The following KDM1B variants were observed in gnomAD, a reference collection of about 807,000 sequenced individuals.
The protein encoded by KDM1B is lysine demethylase 1B.
Under a neutral mutation model 107.4 loss-of-function variants are expected in KDM1B, and 63 were observed. That is an observed-to-expected ratio of 0.59 (90% CI 0.48 to 0.72). The LOEUF (loss-of-function observed/expected upper bound fraction) is 0.72, where lower values mean the gene tolerates loss of function less well. KDM1B is among the 30% of genes least tolerant of loss of function. The pLI is 0.00. For synonymous variants in KDM1B, 363 were observed against 363.9 expected, an observed-to-expected ratio of 1.00 and a Z score of 0.03; for missense variants, 749 against 1,020.8, an observed-to-expected ratio of 0.73 and a Z score of 3.63.
chr6:18,166,193 TCCTGTTTTGAAAAAC>T (rs1785282293), intron 5 of KDM1B, 59 bp from the exon 6 acceptor site: 2 of 696,146 alleles, frequency 2.9e-6, no homozygotes. Context: ...CTAACCTGCC[TCCTGTTTTGAAAAAC>T]CTGATTGCTT....
At chr6:18,216,595 G>T (rs1213262151) in intron 20 of KDM1B, among the ~76,000 whole-genome samples, 1 of 152,162 alleles carries the variant, frequency 6.6e-6, no homozygotes, top group Non-Finnish European at 1.5e-5. Context: ...TTCAGTTACT[G>T]TGGTCAACCA....
intron 9 of KDM1B, among the ~76,000 whole-genome samples, chr6:18,190,319 G>A (rs528706747): frequency 1.3e-5 from 2 of 151,394 alleles, no homozygotes; most frequent in Non-Finnish European, 3.0e-5. Context: ...AAGGCCGGGC[G>A]CAGTGGCTCA....
intron 6 of KDM1B, among the ~76,000 whole-genome samples, chr6:18,167,898 A>G (rs12662531): frequency 0.92 from 140,595 of 152,086 alleles, 65,050 homozygotes; most frequent in African/African-American, 0.94. Flanking sequence ...GAGCAGCTGG[A>G]ACTATAGAGT....
intron 7 of KDM1B, among the ~76,000 whole-genome samples, chr6:18,176,935 C>A (rs545440160): frequency 2.0e-5 from 3 of 152,078 alleles, no homozygotes; most frequent in Non-Finnish European, 4.4e-5. Context: ...CTGTAGTTTT[C>A]GTTTTTGGTT....
Position 18,197,248 on chromosome 6 carries a change from C to T in KDM1B, c.1146+15C>T, listed in dbSNP as rs767116445. The T allele has an allele frequency of 2.5e-6, 4 of 1,606,970 alleles. No homozygotes were observed. Among genetic ancestry groups the T allele is most frequent in the Non-Finnish European group, 8.5e-7 (1 of 1,175,216 alleles). ...ACTACCACAATGTAGGTGATTATAGCTTTAGCGATAGCCTTGCCATTGATC... is the reference window on the plus strand; with the variant it reads ...ACTACCACAATGTAGGTGATTATAGTTTTAGCGATAGCCTTGCCATTGATC... On this transcript the variant is annotated intron_variant, in intron 11 of 21. Transcript: ENST00000650836. The surrounding 1 kb of genome is among the most constrained non-coding windows in gnomAD (Gnocchi z 4.5).
chr6:18,213,700 A>G lies in KDM1B; in HGVS notation c.2028A>G (p.Gln676=). 6.2e-7 allele frequency: 1 copy of G among 1,614,134 alleles called. No homozygotes were observed. Among genetic ancestry groups the G allele is most frequent in the Non-Finnish European group, 8.5e-7 (1 of 1,179,998 alleles). ...FPYRFWDSKV[Q]GADFFGHVPP... ...ATAGATTTTGGGACAGTAAAGTACAAGGGGCTGACTTTTTTGGTCACGTTC... is the reference window on the plus strand; with the variant it reads ...ATAGATTTTGGGACAGTAAAGTACAGGGGGCTGACTTTTTTGGTCACGTTC... The change falls in exon 19 of 22, where the codon CAA becomes CAG. Residue 676 remains glutamine, a synonymous_variant. Transcript: ENST00000650836. The surrounding 1 kb of genome is among the most constrained non-coding windows in gnomAD (Gnocchi z 5.9).
At position 18,172,480 on chromosome 6, in the gene KDM1B, G is replaced by A. The variant is rs192208056; in HGVS notation, c.534+1001G>A. ...TGTTCCAAAATCTGAAACTTTTTGA[G>A]CTCTGAGATGATGCTCAGAGGTTCT... is the stretch of plus-strand genomic sequence containing the variant. On this transcript the variant is annotated intron_variant, in intron 7 of 21. Transcript: ENST00000650836. This position sits in a 1 kb window ranked among gnomAD's most constrained non-coding sequence, Gnocchi z 5.2. 5.3e-5 allele frequency among the ~76,000 whole-genome samples: 8 copies of A among 152,244 alleles called. No homozygotes were observed. The East Asian group carries it at 1.2e-3, about 22-fold the overall frequency.
In KDM1B at chr6:18,201,731, G is replaced by C; in HGVS notation, c.1531+74G>C. The C allele has an allele frequency of 8.1e-7, 1 of 1,240,098 alleles. No individual in the cohort carries two copies. The allele number at this position is 1,240,098 out of a possible 1,614,324, so 76.8% of individuals were successfully genotyped here. On this transcript the variant is annotated intron_variant, in intron 14 of 21. Transcript: ENST00000650836. The surrounding 1 kb of genome is among the most constrained non-coding windows in gnomAD (Gnocchi z 4.3). Reference sequence around the variant, plus strand: ...CCTAAGCTTCATCAGCAGTGGCATTGTTCATTTGCGAGGTCGGATGTCGGC... The same window carrying C: ...CCTAAGCTTCATCAGCAGTGGCATTCTTCATTTGCGAGGTCGGATGTCGGC...
rs955362858 is a variant in KDM1B, at chr6:18,157,935, C to T, written c.-13-1948C>T. Among the ~76,000 whole-genome samples, 4 of 151,320 alleles carry T rather than the reference C, an allele frequency of 2.6e-5. No individual in the cohort carries two copies. In the East Asian group the frequency reaches 7.8e-4, roughly 29 times the overall value. Reference sequence around the variant, plus strand: ...TCATGCCATTCTCCTGCCTCAGCCTCCCGAATAGCTGGGACTACAGGTGCC... The same window carrying T: ...TCATGCCATTCTCCTGCCTCAGCCTTCCGAATAGCTGGGACTACAGGTGCC... On this transcript the variant is annotated intron_variant, in intron 2 of 21. Transcript: ENST00000650836.
intron 7 of KDM1B, among the ~76,000 whole-genome samples, chr6:18,176,971 G>A (rs112857059): frequency 0.034 from 5,237 of 152,264 alleles, 105 homozygotes; most frequent in Middle Eastern, 0.071. Context: ...TTTGGTATTA[G>A]GGTGATGCTG....
At chr6:18,221,333 C>A (rs1789719180) in intron 21 of KDM1B, among the ~76,000 whole-genome samples, 1 of 152,186 alleles carries the variant, frequency 6.6e-6, no homozygotes, top group Non-Finnish European at 1.5e-5. Context: ...CTCCTCCTAT[C>A]CTGTCCTCCC....
Position 18,202,247 on chromosome 6 carries a change from G to T in KDM1B, c.1531+590G>T, listed in dbSNP as rs532767591. Among the ~76,000 whole-genome samples the T allele has an allele frequency of 1.7e-3, 258 of 149,746 alleles. 1 individual carries two copies. The highest frequency in any genetic ancestry group is 5.7e-3 in the African/African-American group (226 of 39,548). On this transcript the variant is annotated intron_variant, in intron 14 of 21. Coordinates refer to ENST00000650836, the MANE Select transcript of KDM1B (RefSeq NM_001364614.2). ...AGCCTTGTGTCTACAAAAAAAAAGG[G>T]CGGGGGGCAAGCATGGTGGTGTGTG...
intron 5 of KDM1B, among the ~76,000 whole-genome samples, chr6:18,164,246 G>A (rs1228355977): frequency 6.6e-6 from 1 of 152,020 alleles, no homozygotes; most frequent in Admixed American, 6.6e-5. Flanking sequence ...TTCTGCCTTA[G>A]CCTTCCAAGT....
chr6:18,197,194 G>GGGAGCCGACCAGTATCTTCTCCCTAA lies in KDM1B; in HGVS notation c.1111_1136dup (p.Asp379GlufsTer26). On this transcript the variant is annotated frameshift_variant, in exon 11 of 22. Transcript: ENST00000650836. LOFTEE classifies it high-confidence loss of function. This position sits in a 1 kb window ranked among gnomAD's most constrained non-coding sequence, Gnocchi z 4.5. ...TCATCAACACTGGAGTTCTCAGCGT[G>GGGAGCCGACCAGTATCTTCTCCCTAA]GGAGCCGACCAGTATCTTCTCCCTA... 6.2e-7 allele frequency: 1 copy of GGGAGCCGACCAGTATCTTCTCCCTAA among 1,614,098 alleles called. No individual in the cohort carries two copies. Among genetic ancestry groups the GGGAGCCGACCAGTATCTTCTCCCTAA allele is most frequent in the Non-Finnish European group, 8.5e-7 (1 of 1,179,978 alleles).
chr6:18,187,387 G>C (rs1050098697), intron 8 of KDM1B, among the ~76,000 whole-genome samples: 1 of 152,078 alleles, frequency 6.6e-6, no homozygotes, highest in East Asian at 1.9e-4. Flanking sequence ...TAACTATCTT[G>C]AGGTCCTAAG....
In KDM1B at chr6:18,222,983, T is replaced by C. The variant is rs1789878325; in HGVS notation, c.*991T>C. On this transcript the variant is annotated 3_prime_UTR_variant, in exon 22 of 22. Transcript: ENST00000650836. ...GGTAAATAGTATACATTTTATAAGC[T>C]ATATTTTAAAGGCCTAAGAACATGG... is the stretch of plus-strand genomic sequence containing the variant. 1 of 152,622 alleles carries C rather than the reference T, an allele frequency of 6.6e-6. No homozygotes were observed. Among genetic ancestry groups the C allele is most frequent in the Admixed American group, 6.5e-5 (1 of 15,270 alleles). 9.5% of individuals were successfully genotyped at this position (152,622 alleles called of 1,614,324 possible). A position where few individuals can be genotyped will look rare whatever the true frequency, so the allele number is the denominator to read the frequency against.
At chr6:18,190,210 A>G (rs62395750) in intron 9 of KDM1B, among the ~76,000 whole-genome samples, 1 of 152,134 alleles carries the variant, frequency 6.6e-6, no homozygotes, top group Non-Finnish European at 1.5e-5. Flanking sequence ...TTCAGTGGAT[A>G]TAGAATTTGT....
At chr6:18,199,034 G>GAA (rs1199733625) in intron 12 of KDM1B, among the ~76,000 whole-genome samples, 2 of 109,820 alleles carry the variant, frequency 1.8e-5, no homozygotes, top group Non-Finnish European at 3.9e-5. Context: ...AAAAAAAAAA[G>GAA]AAAAAAACAG....
rs1788821390 is a variant in KDM1B, at chr6:18,211,058, A to G, written c.1867-1430A>G. On this transcript the variant is annotated intron_variant, in intron 17 of 21. Transcript: ENST00000650836. The surrounding 1 kb of genome is among the most constrained non-coding windows in gnomAD (Gnocchi z 5.2). ...TTTCTTGCAATTTAATTGGATAGTA[A>G]TTGGTTTTTTGTTGTGGTTTGCCTC... Among the ~76,000 whole-genome samples, 1 of 152,118 alleles carries G rather than the reference A, an allele frequency of 6.6e-6. No individual in the cohort carries two copies. The highest frequency in any genetic ancestry group is 6.6e-5 in the Admixed American group (1 of 15,264).
Sources: gnomAD v4.1 joint callset for allele counts (sites outside exome capture counted in the v4.1 genomes callset) on GRCh38, gnomAD v4.1.1 for gene constraint, Gnocchi (gnomAD v3.1) non-coding constraint, MANE v1.5 for transcripts, NCBI Gene and HGNC (gene_info 2026-07-23, HGNC 2026-07-21) for gene names.